Variants in VSTM2B observed in about 807,000 individuals in gnomAD.
VSTM2B encodes V-set and transmembrane domain containing 2B, also known as V-set and transmembrane domain-containing protein 2B.
A neutral mutation model predicts 24.0 loss-of-function variants in VSTM2B; 24 were observed. That is an observed-to-expected ratio of 1.00 (90% CI 0.72 to 1.40). The LOEUF (loss-of-function observed/expected upper bound fraction) is 1.40, where lower values mean the gene tolerates loss of function less well. VSTM2B is among the 40% of genes most tolerant of loss of function. VSTM2B has a pLI of 0.00. For synonymous variants in VSTM2B, 226 were observed against 194.4 expected, an observed-to-expected ratio of 1.16 and a Z score of -1.35; for missense variants, 399 against 416.4, an observed-to-expected ratio of 0.96 and a Z score of 0.36.
chr19:29,529,731 C>A, intron 3 of VSTM2B, 88 bp from the exon 4 acceptor site: 2 of 1,298,696 alleles, frequency 1.5e-6, no homozygotes, highest in Non-Finnish European at 1.1e-6. Flanking sequence ...TGTTGGGGTG[C>A]GCGGATGAGG....
Position 29,526,444 on chromosome 19 carries a change from C to A in VSTM2B, c.-140C>A, listed in dbSNP as rs1183587062. ...GGGAGCGGGGCTGATTGGCGGCCGC[C>A]GGCGGCCAGGGGAGGGGGCGCCGCG... On this transcript the variant is annotated 5_prime_UTR_variant, in exon 1 of 5. Coordinates refer to ENST00000335523, the MANE Select transcript of VSTM2B (RefSeq NM_001146339.2). The surrounding 1 kb of genome is among the most constrained non-coding windows in gnomAD (Gnocchi z 4.1). The A allele has an allele frequency of 8.9e-6, 3 of 335,772 alleles. No individual in the cohort carries two copies. Among genetic ancestry groups the A allele is most frequent in the Middle Eastern group, 9.2e-4 (1 of 1,086 alleles). The allele number at this position is 335,772 out of a possible 1,614,324, so 20.8% of individuals were successfully genotyped here. A position where few individuals can be genotyped will look rare whatever the true frequency, so the allele number is the denominator to read the frequency against.
chr19:29,530,027 G>GCGGCCCGCGTCGCCACGGCC lies in VSTM2B; in HGVS notation c.508_527dup (p.Ser178ArgfsTer103). 1 of 1,531,092 alleles carries GCGGCCCGCGTCGCCACGGCC rather than the reference G, an allele frequency of 6.5e-7. No homozygotes were observed. The highest frequency in any genetic ancestry group is 8.7e-7 in the Non-Finnish European group (1 of 1,143,556). The allele number at this position is 1,531,092 out of a possible 1,614,324, so 94.8% of individuals were successfully genotyped here. A position where few individuals can be genotyped will look rare whatever the true frequency, so the allele number is the denominator to read the frequency against. On this transcript the variant is annotated frameshift_variant, in exon 4 of 5. Coordinates refer to ENST00000335523, the MANE Select transcript of VSTM2B (RefSeq NM_001146339.2). LOFTEE classifies it high-confidence loss of function. ...GAGGCCGTGTCCCACATCCAGAGCAGCGGCCCGCGTCGCCACGGCCCAGCC... is the reference window on the plus strand; with the variant it reads ...GAGGCCGTGTCCCACATCCAGAGCAGCGGCCCGCGTCGCCACGGCCCGGCCCGCGTCGCCACGGCCCAGCC...
intron 4 of VSTM2B, among the ~76,000 whole-genome samples, chr19:29,557,198 C>T (rs1568447739): frequency 1.3e-5 from 2 of 151,862 alleles, no homozygotes; most frequent in African/African-American, 2.4e-5. Flanking sequence ...CCACATAGAC[C>T]AATGGAACAG....
At chr19:29,534,668 A>T (rs1166744856) in intron 4 of VSTM2B, among the ~76,000 whole-genome samples, 2 of 151,680 alleles carry the variant, frequency 1.3e-5, no homozygotes, top group African/African-American at 4.8e-5. Context: ...GTGAGCCGAG[A>T]TCGCGCCATT....
At chr19:29,533,961 G>A (rs1249083796) in intron 4 of VSTM2B, among the ~76,000 whole-genome samples, 1 of 152,184 alleles carries the variant, frequency 6.6e-6, no homozygotes, top group Non-Finnish European at 1.5e-5. Flanking sequence ...TGATGGGGAG[G>A]GGTCCAGAAA....
intron 4 of VSTM2B, among the ~76,000 whole-genome samples, chr19:29,536,150 C>T (rs369820171): frequency 6.6e-6 from 1 of 152,340 alleles, no homozygotes; most frequent in East Asian, 1.9e-4. Context: ...CACTGGGAGC[C>T]TTCTGGGCCC....
intron 4 of VSTM2B, among the ~76,000 whole-genome samples, chr19:29,548,689 C>T (rs1970204230): frequency 6.6e-6 from 1 of 152,166 alleles, no homozygotes; most frequent in South Asian, 2.1e-4. Flanking sequence ...CAGATGCTCC[C>T]AGGGTGGGGC....
intron 3 of VSTM2B, chr19:29,529,173 G>A (rs1969663900): frequency 1.0e-6 from 1 of 974,798 alleles, no homozygotes; most frequent in Non-Finnish European, 1.2e-6. Flanking sequence ...CAGGGGAGGA[G>A]CACTTCGCTG....
chr19:29,564,047 C>A lies in VSTM2B; in HGVS notation c.*113C>A. 1 of 780,580 alleles carries A rather than the reference C, an allele frequency of 1.3e-6. No homozygotes were observed. The highest frequency in any genetic ancestry group is 2.1e-6 in the Non-Finnish European group (1 of 478,834). 48.4% of individuals were successfully genotyped at this position (780,580 alleles called of 1,614,324 possible). On this transcript the variant is annotated 3_prime_UTR_variant, in exon 5 of 5. Coordinates refer to ENST00000335523, the MANE Select transcript of VSTM2B (RefSeq NM_001146339.2). Reference sequence around the variant, plus strand: ...GAGACTGAGAGACGCATGAAAAAGTCCACATGGAAAATAAATAAATCATAT... The same window carrying A: ...GAGACTGAGAGACGCATGAAAAAGTACACATGGAAAATAAATAAATCATAT...
chr19:29,549,258 C>G (rs1048165409), intron 4 of VSTM2B, among the ~76,000 whole-genome samples: 1 of 152,178 alleles, frequency 6.6e-6, no homozygotes, highest in Non-Finnish European at 1.5e-5. Context: ...CTGTAGAAGA[C>G]AGCATTTTGT....
intron 4 of VSTM2B, among the ~76,000 whole-genome samples, chr19:29,551,850 C>T (rs1032647080): frequency 3.3e-5 from 5 of 152,186 alleles, no homozygotes; most frequent in Admixed American, 1.3e-4. Context: ...CCAGCCAGCC[C>T]GCTCAGCACA....
Position 29,564,199 on chromosome 19 carries a change from T to C in VSTM2B, c.*265T>C. The C allele has an allele frequency of 5.5e-6, 2 of 362,342 alleles. No individual in the cohort carries two copies. Among genetic ancestry groups the C allele is most frequent in the Non-Finnish European group, 1.0e-5 (2 of 196,384 alleles). 22.4% of individuals were successfully genotyped at this position (362,342 alleles called of 1,614,324 possible). A position where few individuals can be genotyped will look rare whatever the true frequency, so the allele number is the denominator to read the frequency against. On this transcript the variant is annotated 3_prime_UTR_variant, in exon 5 of 5. Coordinates refer to ENST00000335523, the MANE Select transcript of VSTM2B (RefSeq NM_001146339.2). ...TCTCTACTTCAATGTAGTTTTCTTTTCTACACTTTCCCTCCAAGTCTTCAT... is the reference window on the plus strand; with the variant it reads ...TCTCTACTTCAATGTAGTTTTCTTTCCTACACTTTCCCTCCAAGTCTTCAT...
At chr19:29,544,509 G>A (rs1028816912) in intron 4 of VSTM2B, among the ~76,000 whole-genome samples, 1 of 101,794 alleles carries the variant, frequency 9.8e-6, no homozygotes, top group African/African-American at 3.9e-5. Context: ...CTGGGCGAAA[G>A]AGCGAGACTC....
intron 4 of VSTM2B, among the ~76,000 whole-genome samples, chr19:29,532,950 C>T (rs1048476303): frequency 5.3e-5 from 8 of 152,114 alleles, no homozygotes; most frequent in African/African-American, 1.9e-4. Flanking sequence ...CGCACTCCTG[C>T]TTGAATCTCC....
chr19:29,552,623 C>T (rs1051876852), intron 4 of VSTM2B, among the ~76,000 whole-genome samples: 18 of 152,226 alleles, frequency 1.2e-4, no homozygotes, highest in East Asian at 5.8e-4. Flanking sequence ...GTCCCAAGCA[C>T]GCCACTCAGC....
At chr19:29,528,940 A>G in intron 3 of VSTM2B, 2 of 985,412 alleles carry the variant, frequency 2.0e-6, no homozygotes, top group Non-Finnish European at 2.4e-6. Context: ...GGGGTGTTGC[A>G]GGCTTGCAGG....
chr19:29,553,178 A>G (rs907803215), intron 4 of VSTM2B, among the ~76,000 whole-genome samples: 2 of 152,128 alleles, frequency 1.3e-5, no homozygotes, highest in African/African-American at 4.8e-5. Context: ...AGGGGTCACC[A>G]TACAGGAGTG....
chr19:29,527,038 G>T, intron 1 of VSTM2B, 173 bp from the exon 2 acceptor site: 1 of 593,014 alleles, frequency 1.7e-6, no homozygotes, highest in Non-Finnish European at 2.9e-6. Context: ...TCCCTGCCTC[G>T]GCCCTGCAGC....
intron 4 of VSTM2B, among the ~76,000 whole-genome samples, chr19:29,545,842 C>T (rs947854191): frequency 6.6e-6 from 1 of 151,938 alleles, no homozygotes; most frequent in Non-Finnish European, 1.5e-5. Context: ...ACATGTACCC[C>T]CTGATTCTAA....
Sources: gnomAD v4.1 joint callset for allele counts (sites outside exome capture counted in the v4.1 genomes callset) on GRCh38, gnomAD v4.1.1 for gene constraint, Gnocchi (gnomAD v3.1) non-coding constraint, MANE v1.5 for transcripts, NCBI Gene and HGNC (gene_info 2026-07-23, HGNC 2026-07-21) for gene names.